Variants in NXPE2 observed in about 807,000 individuals in gnomAD.
The protein encoded by NXPE2 is neurexophilin and PC-esterase domain family member 2, also known as NXPE family member 2.
A neutral mutation model predicts 34.4 loss-of-function variants in NXPE2; 34 were observed. The ratio of observed to expected loss-of-function variants is 0.99; its 90% CI spans 0.75 to 1.31. The LOEUF (loss-of-function observed/expected upper bound fraction) is 1.31. Among genes scored for constraint, NXPE2 ranks in the 40% most tolerant of loss-of-function variants. The probability of loss-of-function intolerance (pLI) is 0.00; values close to 1 mark genes in which losing one functional copy is unlikely to be tolerated. For synonymous variants in NXPE2, 235 were observed against 231.3 expected (o/e 1.02, Z -0.15); for missense variants, 649 against 672.5 (o/e 0.97, Z 0.39).
chr11:114,625,323 C>A, the NXPE2 span, among the ~76,000 whole-genome samples: 6 of 151,236 alleles, frequency 4.0e-5, no homozygotes, highest in African/African-American at 1.5e-4. Flanking sequence ...AAGTGTTGCA[C>A]TGTGGGTAAC....
At chr11:114,776,207 T>TC in the NXPE2 span, among the ~76,000 whole-genome samples, 1 of 152,188 alleles carries the variant, frequency 6.6e-6, no homozygotes, top group Non-Finnish European at 1.5e-5. Context: ...CATCCTCTGA[T>TC]CCAGCGGCCC....
At chr11:114,521,460 A>G in the NXPE2 span, among the ~76,000 whole-genome samples, 1 of 152,316 alleles carries the variant, frequency 6.6e-6, no homozygotes, top group Admixed American at 6.5e-5. Flanking sequence ...GCTTTCTGGC[A>G]TAACAAGATG....
At chr11:114,579,078 T>TGTAC in the NXPE2 span, among the ~76,000 whole-genome samples, 4 of 152,168 alleles carry the variant, frequency 2.6e-5, no homozygotes, top group Non-Finnish European at 5.9e-5. Flanking sequence ...TCTTGCAGGC[T>TGTAC]GTACAAGCAT....
the NXPE2 span, among the ~76,000 whole-genome samples, chr11:114,615,270 G>A: frequency 6.6e-6 from 1 of 151,704 alleles, no homozygotes; most frequent in Non-Finnish European, 1.5e-5. Context: ...GTATTTCCTT[G>A]TGGGTATCCA....
chr11:114,488,956 C>A, the NXPE2 span, among the ~76,000 whole-genome samples: 1 of 151,774 alleles, frequency 6.6e-6, no homozygotes, highest in Admixed American at 6.6e-5. Flanking sequence ...ATTGATAGAC[C>A]GCTAGCAAGA....
At chr11:114,553,952 G>A in the NXPE2 span, 9 of 985,366 alleles carry the variant, frequency 9.1e-6, no homozygotes, top group Admixed American at 1.2e-4. Context: ...GAGCAGGTTT[G>A]TCAGTATACC....
chr11:114,581,532 T>A, the NXPE2 span, among the ~76,000 whole-genome samples: 4 of 152,208 alleles, frequency 2.6e-5, no homozygotes, highest in South Asian at 4.1e-4. Flanking sequence ...TTACAGTTAC[T>A]AAAATAGGCT....
chr11:114,702,938 G>A (rs1000666935), intron 3 of NXPE2, among the ~76,000 whole-genome samples: 1 of 152,076 alleles, frequency 6.6e-6, no homozygotes, highest in Non-Finnish European at 1.5e-5. Flanking sequence ...GGTTTCTGTG[G>A]CTCTGGCTCT....
the NXPE2 span, among the ~76,000 whole-genome samples, chr11:114,476,215 A>G: frequency 6.6e-6 from 1 of 152,208 alleles, no homozygotes; most frequent in African/African-American, 2.4e-5. Flanking sequence ...ATAAAAAATA[A>G]AGTCTTCTTA....
the NXPE2 span, among the ~76,000 whole-genome samples, chr11:114,475,226 GTTTTTTTTTTTTTTTTTTTTTTT>G: frequency 6.8e-5 from 6 of 88,070 alleles, no homozygotes; most frequent in African/African-American, 2.1e-4. Context: ...AATGTGAACT[GTTTTTTTTTTTTTTTTTTTTTTT>G]TTTTTTTTTT....
Position 114,698,664 on chromosome 11 carries a change from A to G in NXPE2, c.752A>G (p.Glu251Gly). 1.2e-6 allele frequency: 2 copies of G among 1,614,184 alleles called. No individual in the cohort carries two copies. The highest frequency in any genetic ancestry group is 1.7e-6 in the Non-Finnish European group (2 of 1,180,016). The change falls in exon 3 of 6, where the codon GAA becomes GGA. Residue 251 changes from glutamate (E) to glycine (G), a missense_variant. By Grantham distance (98) the Glu-to-Gly change is moderately conservative. Transcript: ENST00000389586. ...CAGTACATGGATGACAGAGACCAAG[A>G]AGCCTTCTACTGTGTGAGGCCTCAA... Reference protein sequence around the residue: ...LCQYMDDRDQEAFYCVRPQHM... With the variant: ...LCQYMDDRDQGAFYCVRPQHM...
At chr11:114,739,874 A>G in the NXPE2 span, among the ~76,000 whole-genome samples, 1 of 152,222 alleles carries the variant, frequency 6.6e-6, no homozygotes, top group South Asian at 2.1e-4. Flanking sequence ...ACTTAGCCTG[A>G]TGTTCTTCAG....
chr11:114,655,643 G>C, the NXPE2 span, among the ~76,000 whole-genome samples: 1 of 152,050 alleles, frequency 6.6e-6, no homozygotes, highest in African/African-American at 2.4e-5. Flanking sequence ...GTAGATGTGT[G>C]GTATTATTTC....
At chr11:114,658,866 A>G in the NXPE2 span, among the ~76,000 whole-genome samples, 28,923 of 152,156 alleles carry the variant, frequency 0.19, 2,915 homozygotes, top group Middle Eastern at 0.27. Flanking sequence ...AATCTCACTC[A>G]TTCTCCCAGT....
upstream of NXPE2, among the ~76,000 whole-genome samples, chr11:114,677,455 A>G (rs1331452778): frequency 2.0e-5 from 3 of 152,102 alleles, no homozygotes; most frequent in African/African-American, 7.2e-5. Flanking sequence ...GGACACTATT[A>G]TAACTGTCAT....
chr11:114,478,920 C>T, the NXPE2 span, among the ~76,000 whole-genome samples: 4 of 152,124 alleles, frequency 2.6e-5, no homozygotes, highest in African/African-American at 4.8e-5. Context: ...GTTTATGTTC[C>T]GGCAGGGAAT....
the NXPE2 span, among the ~76,000 whole-genome samples, chr11:114,502,115 T>C: frequency 6.6e-6 from 1 of 152,192 alleles, no homozygotes; most frequent in Non-Finnish European, 1.5e-5. Context: ...GCACTCCTCC[T>C]AACTGTGACA....
the NXPE2 span, among the ~76,000 whole-genome samples, chr11:114,523,550 T>C: frequency 6.6e-6 from 1 of 152,224 alleles, no homozygotes; most frequent in South Asian, 2.1e-4. Flanking sequence ...ACATTAAATA[T>C]AAAAACCTCA....
At chr11:114,715,595 A>G in the NXPE2 span, among the ~76,000 whole-genome samples, 1 of 152,212 alleles carries the variant, frequency 6.6e-6, no homozygotes, top group South Asian at 2.1e-4. Context: ...AAGGTGCTCC[A>G]GGTTAACTGA....
Sources: allele counts gnomAD v4.1 joint callset (sites outside exome capture counted in the v4.1 genomes callset), GRCh38; gene constraint gnomAD v4.1.1; transcripts MANE v1.5; gene names NCBI Gene and HGNC (gene_info 2026-07-23, HGNC 2026-07-21).